PCDH11Y: variants seen among roughly 807,000 people sequenced by gnomAD.
The protein encoded by PCDH11Y is protocadherin 11 Y-linked, also known as protocadherin-11 Y-linked.
For synonymous variants in PCDH11Y, 9 were observed against 83.6 expected, an observed-to-expected ratio of 0.11 and a Z score of 4.87; for missense variants, 12 against 224.8, an observed-to-expected ratio of 0.05 and a Z score of 6.05.
At chrY:5,236,997 T>G in intron 2 of PCDH11Y, among the ~76,000 whole-genome samples, 1 of 33,261 alleles carries the variant, frequency 3.0e-5, no homozygotes, top group Non-Finnish European at 7.4e-5. Context: ...CCCTTAAAAA[T>G]GTAGAGAACT....
intron 4 of PCDH11Y, among the ~76,000 whole-genome samples, chrY:5,728,827 A>T: frequency 3.1e-5 from 1 of 31,899 alleles, no homozygotes; most frequent in African/African-American, 1.2e-4. Context: ...CTTTATTTCC[A>T]TGAGTACCCA....
intron 2 of PCDH11Y, among the ~76,000 whole-genome samples, chrY:5,412,930 A>G: frequency 6.1e-5 from 2 of 32,625 alleles, no homozygotes; most frequent in African/African-American, 1.2e-4. Flanking sequence ...TGGTATCAGG[A>G]TGATATTGGC....
intron 4 of PCDH11Y, among the ~76,000 whole-genome samples, chrY:5,704,652 ATC>A (rs2053581465): frequency 3.2e-4 from 10 of 30,812 alleles, no homozygotes; most frequent in Non-Finnish European, 7.8e-4. Flanking sequence ...GATGGTCTCG[ATC>A]TCCTGACCTC....
At chrY:5,075,628 T>G in intron 1 of PCDH11Y, among the ~76,000 whole-genome samples, 1 of 33,517 alleles carries the variant, frequency 3.0e-5, no homozygotes, top group South Asian at 6.6e-4. Context: ...GTTCAATTGT[T>G]GAAATTTTTA....
intron 4 of PCDH11Y, among the ~76,000 whole-genome samples, chrY:5,592,117 G>A: frequency 2.2e-4 from 7 of 31,771 alleles, no homozygotes; most frequent in Admixed American, 1.4e-3. Flanking sequence ...TACTGTCAAA[G>A]GGTGTTGAAA....
intron 2 of PCDH11Y, among the ~76,000 whole-genome samples, chrY:5,276,379 TACAACTG>T (rs2053044587): frequency 6.2e-5 from 2 of 32,429 alleles, no homozygotes; most frequent in Non-Finnish European, 1.5e-4. Flanking sequence ...TTAATGGTTG[TACAACTG>T]TCTGAATATA....
intron 1 of PCDH11Y, among the ~76,000 whole-genome samples, chrY:5,092,436 T>C: frequency 3.0e-5 from 1 of 33,392 alleles, no homozygotes; most frequent in African/African-American, 1.2e-4. Context: ...AAATGAATTC[T>C]GAAATAAATG....
intron 4 of PCDH11Y, among the ~76,000 whole-genome samples, chrY:5,718,676 T>G: frequency 6.0e-5 from 2 of 33,462 alleles, no homozygotes; most frequent in Non-Finnish European, 1.5e-4. Context: ...TTTTGGGTAT[T>G]TCTTCATAGC....
chrY:5,690,161 T>A (rs1602960464), intron 4 of PCDH11Y, among the ~76,000 whole-genome samples: 2 of 33,607 alleles, frequency 6.0e-5, no homozygotes, highest in Admixed American at 2.7e-4. Flanking sequence ...TTTTAAAAAA[T>A]TGACATTTTT....
At chrY:5,385,630 G>C in intron 2 of PCDH11Y, among the ~76,000 whole-genome samples, 1 of 33,684 alleles carries the variant, frequency 3.0e-5, no homozygotes, top group Non-Finnish European at 7.3e-5. Context: ...TTCACCAGCA[G>C]TATAGAAGTG....
intron 3 of PCDH11Y, among the ~76,000 whole-genome samples, chrY:5,539,711 CTATTTTAGGAAATTATTAAAA>C (rs2053404431): frequency 6.1e-5 from 2 of 32,536 alleles, no homozygotes; most frequent in Non-Finnish European, 1.5e-4. Context: ...TAAAATAATA[CTATTTTAGGAAATTATTAAAA>C]TAAAACATTT....
chrY:5,385,638 G>C (rs1602916815), intron 2 of PCDH11Y, among the ~76,000 whole-genome samples: 1 of 33,583 alleles, frequency 3.0e-5, no homozygotes, highest in Non-Finnish European at 7.4e-5. Context: ...CAGTATAGAA[G>C]TGTTCCCTTT....
intron 4 of PCDH11Y, among the ~76,000 whole-genome samples, chrY:5,682,763 GA>G (rs1159742224): frequency 3.1e-5 from 1 of 32,201 alleles, no homozygotes. Context: ...AGTACTGAAG[GA>G]AAAAAACTTT....
intron 2 of PCDH11Y, among the ~76,000 whole-genome samples, chrY:5,476,286 G>C (rs2053318610): frequency 3.3e-5 from 1 of 29,892 alleles, no homozygotes; most frequent in African/African-American, 1.3e-4. Flanking sequence ...TGGGCACAGT[G>C]GTGGGCACCT....
intron 4 of PCDH11Y, among the ~76,000 whole-genome samples, chrY:5,641,555 A>C (rs2053523018): frequency 3.0e-5 from 1 of 33,369 alleles, no homozygotes; most frequent in African/African-American, 1.2e-4. Flanking sequence ...TCAGTGGAGT[A>C]ATCATAACAC....
intron 1 of PCDH11Y, among the ~76,000 whole-genome samples, chrY:5,013,696 A>G: frequency 3.0e-5 from 1 of 33,611 alleles, no homozygotes; most frequent in Non-Finnish European, 7.4e-5. Flanking sequence ...CTGACAACTC[A>G]AATAAGCATC....
At chrY:5,525,495 G>T (rs2053386680) in intron 3 of PCDH11Y, among the ~76,000 whole-genome samples, 2 of 29,987 alleles carry the variant, frequency 6.7e-5, no homozygotes, top group African/African-American at 2.6e-4. Flanking sequence ...TCCTTTTTTG[G>T]CTGTCAGAAG....
intron 4 of PCDH11Y, among the ~76,000 whole-genome samples, chrY:5,587,570 A>G: frequency 3.1e-5 from 1 of 32,290 alleles, no homozygotes. Context: ...GCCTATCTCT[A>G]TCTGTGGCTC....
chrY:5,188,701 G>A, intron 2 of PCDH11Y, among the ~76,000 whole-genome samples: 2 of 32,981 alleles, frequency 6.1e-5, no homozygotes, highest in Non-Finnish European at 1.5e-4. Flanking sequence ...TTTTGTCTGG[G>A]GACACAGCCA....
Sources: gnomAD v4.1 joint callset for allele counts (sites outside exome capture counted in the v4.1 genomes callset) on GRCh38, gnomAD v4.1.1 for gene constraint, MANE v1.5 for transcripts, NCBI Gene and HGNC (gene_info 2026-07-23, HGNC 2026-07-21) for gene names.